The following USH2A variants were observed in gnomAD, a reference collection of about 807,000 sequenced individuals.
USH2A encodes usherin, also known as Usher syndrome 2A (autosomal recessive, mild).
A neutral mutation model predicts 538.9 loss-of-function variants in USH2A; 443 were observed. The observed-to-expected ratio is 0.82, with a 90% CI of 0.76 to 0.89. The LOEUF is 0.89. Among genes scored for constraint, USH2A ranks in the 40% least tolerant of loss-of-function variants. The probability of loss-of-function intolerance (pLI) is 0.00; values close to 1 mark genes in which losing one functional copy is unlikely to be tolerated. For missense variants in USH2A, 6,633 were observed against 6,324.8 expected (o/e 1.05, Z -1.65); for synonymous variants, 2,413 against 2,273.5 (o/e 1.06, Z -1.75).
intron 3 of USH2A, among the ~76,000 whole-genome samples, chr1:216,374,657 T>C (rs1040185394): frequency 2.0e-5 from 3 of 152,188 alleles, no homozygotes; most frequent in African/African-American, 7.2e-5. Flanking sequence ...TTTTTATCTA[T>C]ATAGACTCAT....
At chr1:215,821,940 G>A (rs1017101405) in intron 47 of USH2A, among the ~76,000 whole-genome samples, 3 of 151,792 alleles carry the variant, frequency 2.0e-5, no homozygotes, top group African/African-American at 7.3e-5. Flanking sequence ...GTAAATGCAT[G>A]GATTTATATC....
chr1:215,816,943 T>C, intron 48 of USH2A, 54 bp downstream of exon 48: 5 of 1,564,236 alleles, frequency 3.2e-6, no homozygotes, highest in East Asian at 2.2e-5. Flanking sequence ...ATAATTTCAC[T>C]TGGAGTCTTG....
At chr1:216,119,432 AT>A (rs2033079584) in intron 21 of USH2A, among the ~76,000 whole-genome samples, 1 of 151,668 alleles carries the variant, frequency 6.6e-6, no homozygotes, top group Admixed American at 6.6e-5. Flanking sequence ...ATTACAGTAT[AT>A]AATATAACAT....
chr1:216,346,754 G>A (rs2038182613), intron 4 of USH2A, among the ~76,000 whole-genome samples: 1 of 151,404 alleles, frequency 6.6e-6, no homozygotes, highest in Admixed American at 6.6e-5. Flanking sequence ...TTAGGCTTTA[G>A]AAATTTCACG....
At chr1:216,128,868 G>T (rs142592889) in intron 21 of USH2A, among the ~76,000 whole-genome samples, 1 of 151,542 alleles carries the variant, frequency 6.6e-6, no homozygotes, top group Non-Finnish European at 1.5e-5. Flanking sequence ...TTGTACTTCC[G>T]TTCCCATTAC....
intron 21 of USH2A, among the ~76,000 whole-genome samples, chr1:216,125,041 T>C (rs1444705538): frequency 1.3e-5 from 2 of 152,196 alleles, no homozygotes; most frequent in South Asian, 2.1e-4. Context: ...ATGATGAATG[T>C]GCTTTAATCT....
chr1:216,150,218 C>CT (rs2033805185), intron 21 of USH2A, among the ~76,000 whole-genome samples: 1 of 152,166 alleles, frequency 6.6e-6, no homozygotes, highest in African/African-American at 2.4e-5. Flanking sequence ...TACACTGTTT[C>CT]TTCAAGCCAT....
At chr1:216,414,571 A>T (rs2039546405) in intron 3 of USH2A, among the ~76,000 whole-genome samples, 1 of 152,232 alleles carries the variant, frequency 6.6e-6, no homozygotes, top group East Asian at 1.9e-4. Context: ...AAGCTGATAC[A>T]AGTGAACTGT....
rs1558027360 is a variant in USH2A at position 215,627,425 on chromosome 1, C to CTTCTTTCCTTCCTTCT, written c.15519+1388_15519+1389insAGAAGGAAGGAAAGAA. Among the ~76,000 whole-genome samples the CTTCTTTCCTTCCTTCT allele has an allele frequency of 4.6e-3, 484 of 105,768 alleles. 19 individuals carry two copies. Among genetic ancestry groups the CTTCTTTCCTTCCTTCT allele is most frequent in the Middle Eastern group, 8.8e-3 (2 of 226 alleles). The allele number at this position is 105,768 out of a possible 152,430, so 69.4% of individuals were successfully genotyped here. A position where few individuals can be genotyped will look rare whatever the true frequency, so the allele number is the denominator to read the frequency against. ...CCTTCCTTCCTTCCTTCCTTCCTTC[C>CTTCTTTCCTTCCTTCT]TTCCTTCCTTCCTTCCTTCCTTCCT... On this transcript the variant is annotated intron_variant, in intron 71 of 71. Transcript: ENST00000307340.
chr1:216,022,824 T>G (rs1439874566), intron 32 of USH2A, among the ~76,000 whole-genome samples: 1 of 152,110 alleles, frequency 6.6e-6, no homozygotes, highest in Non-Finnish European at 1.5e-5. Flanking sequence ...TGGAAAACTA[T>G]TCCACCTGGC....
chr1:216,189,593 T>C (rs2034673601), intron 20 of USH2A, among the ~76,000 whole-genome samples: 1 of 152,058 alleles, frequency 6.6e-6, no homozygotes, highest in East Asian at 1.9e-4. Flanking sequence ...AAACCATTTC[T>C]ACTCAGATTA....
chr1:215,700,031 T>A (rs1218497109), intron 61 of USH2A, among the ~76,000 whole-genome samples: 1 of 152,228 alleles, frequency 6.6e-6, no homozygotes, highest in African/African-American at 2.4e-5. Flanking sequence ...TGCTGAATTT[T>A]ATTGAAGGCC....
intron 47 of USH2A, among the ~76,000 whole-genome samples, chr1:215,828,342 C>T (rs1663212932): frequency 6.6e-6 from 1 of 152,058 alleles, no homozygotes; most frequent in South Asian, 2.1e-4. Flanking sequence ...CCTATTGTCC[C>T]AGCTACTCAG....
At chr1:215,838,532 A>T (rs1349089233) in intron 46 of USH2A, among the ~76,000 whole-genome samples, 1 of 152,202 alleles carries the variant, frequency 6.6e-6, no homozygotes, top group Non-Finnish European at 1.5e-5. Context: ...CAAATAGCCT[A>T]AATGCTAATG....
At chr1:215,691,371 T>G (rs1480422972) in intron 61 of USH2A, among the ~76,000 whole-genome samples, 7 of 152,162 alleles carry the variant, frequency 4.6e-5, no homozygotes. Flanking sequence ...CATTTTCCCC[T>G]GGGAAAACTG....
intron 11 of USH2A, among the ~76,000 whole-genome samples, chr1:216,267,817 C>A (rs535537227): frequency 3.3e-5 from 5 of 152,196 alleles, no homozygotes; most frequent in East Asian, 1.9e-4. Context: ...GGGCCAGAAC[C>A]TTTTGCACCT....
chr1:216,246,428 T>C (rs532269377), intron 13 of USH2A, among the ~76,000 whole-genome samples, 157 bp downstream of exon 13: 2 of 152,312 alleles, frequency 1.3e-5, no homozygotes, highest in Admixed American at 1.3e-4. Context: ...TTTGAATAAG[T>C]TAAATAGTTA....
At chr1:216,381,383 T>C (rs2038920013) in intron 3 of USH2A, among the ~76,000 whole-genome samples, 2 of 152,200 alleles carry the variant, frequency 1.3e-5, no homozygotes, top group Non-Finnish European at 2.9e-5. Flanking sequence ...GAAGGAAATT[T>C]CATTCTCTGG....
intron 37 of USH2A, among the ~76,000 whole-genome samples, chr1:215,944,311 A>G (rs1666707534): frequency 6.6e-6 from 1 of 152,204 alleles, no homozygotes; most frequent in Non-Finnish European, 1.5e-5. Flanking sequence ...CTATCCCTTT[A>G]TAGAAAAGAT....
Sources: gnomAD v4.1 joint callset for allele counts (sites outside exome capture counted in the v4.1 genomes callset) on GRCh38, gnomAD v4.1.1 for gene constraint, MANE v1.5 for transcripts, NCBI Gene and HGNC (gene_info 2026-07-23, HGNC 2026-07-21) for gene names.